Variants in SPAG16 observed in about 807,000 individuals in gnomAD.
The protein encoded by SPAG16 is sperm-associated antigen 16 protein.
In SPAG16, 86 loss-of-function variants were observed where a neutral mutation model predicts 80.4. That is an observed-to-expected ratio of 1.07 (90% CI 0.90 to 1.28). SPAG16 has a LOEUF of 1.28. Among genes scored for constraint, SPAG16 ranks in the 50% most tolerant of loss-of-function variants. The probability of loss-of-function intolerance (pLI) is 0.00; values close to 1 mark genes in which losing one functional copy is unlikely to be tolerated. For missense variants in SPAG16, 870 were observed against 765.3 expected, an observed-to-expected ratio of 1.14 and a Z score of -1.61; for synonymous variants, 294 against 265.9, an observed-to-expected ratio of 1.11 and a Z score of -1.03.
intron 14 of SPAG16, among the ~76,000 whole-genome samples, chr2:214,138,834 G>A (rs79589120): frequency 0.01 from 1,526 of 152,222 alleles, 28 homozygotes; most frequent in African/African-American, 0.035. Flanking sequence ...ACCTGAGCCA[G>A]ATTCCTACCC....
chr2:213,636,914 C>A (rs2062384596), intron 10 of SPAG16, among the ~76,000 whole-genome samples: 1 of 152,158 alleles, frequency 6.6e-6, no homozygotes, highest in African/African-American at 2.4e-5. Flanking sequence ...GACAATTTGA[C>A]TTCCTTTTTA....
At chr2:214,046,905 TGA>T (rs1491329039) in intron 13 of SPAG16, among the ~76,000 whole-genome samples, 1 of 81,452 alleles carries the variant, frequency 1.2e-5, no homozygotes, top group African/African-American at 5.2e-5. Context: ...GTAAACAATC[TGA>T]AAAAAAAAAA....
chr2:214,244,394 GAA>G (rs5838420), intron 15 of SPAG16, among the ~76,000 whole-genome samples: 237 of 124,068 alleles, frequency 1.9e-3, no homozygotes, highest in African/African-American at 6.1e-3. Context: ...CTGAAGTTCC[GAA>G]AAAAAAAAAA....
At chr2:214,020,085 G>A (rs1195818462) in intron 13 of SPAG16, among the ~76,000 whole-genome samples, 1 of 151,928 alleles carries the variant, frequency 6.6e-6, no homozygotes, top group African/African-American at 2.4e-5. Flanking sequence ...TGATTGGGTG[G>A]GTACCATTAT....
intron 10 of SPAG16, among the ~76,000 whole-genome samples, chr2:213,734,533 T>C (rs1389702286): frequency 2.6e-5 from 4 of 152,222 alleles, no homozygotes; most frequent in Non-Finnish European, 4.4e-5. Context: ...AGAAATCATA[T>C]GCTTGCAGTA....
intron 12 of SPAG16, among the ~76,000 whole-genome samples, chr2:213,989,974 T>C (rs1397015158): frequency 3.9e-5 from 6 of 152,110 alleles, no homozygotes; most frequent in Admixed American, 3.9e-4. Context: ...TAGCCACTAA[T>C]TTTATATCAT....
chr2:213,422,158 G>C (rs1040041375), intron 9 of SPAG16: 4 of 700,046 alleles, frequency 5.7e-6, no homozygotes, highest in Middle Eastern at 3.6e-4. Flanking sequence ...GGAGAGAAGA[G>C]CTGTGGCCCT....
intron 15 of SPAG16, 89 bp from the exon 16 acceptor site, chr2:214,410,051 A>AAAT (rs965932025): frequency 6.9e-7 from 1 of 1,453,248 alleles, no homozygotes; most frequent in African/African-American, 1.4e-5. Context: ...TAATTGAAAA[A>AAAT]AATAGAATGC....
At chr2:213,894,929 C>A (rs1366682441) in intron 11 of SPAG16, among the ~76,000 whole-genome samples, 2 of 123,622 alleles carry the variant, frequency 1.6e-5, no homozygotes, top group African/African-American at 6.4e-5. Context: ...GCAGAAGTTG[C>A]AGTGAGCTGA....
intron 10 of SPAG16, among the ~76,000 whole-genome samples, chr2:213,588,236 A>G (rs1044780812): frequency 6.6e-6 from 1 of 152,144 alleles, no homozygotes; most frequent in Admixed American, 6.5e-5. Context: ...AAATAGTTTC[A>G]GTTCATTTCC....
intron 15 of SPAG16, among the ~76,000 whole-genome samples, chr2:214,175,137 G>T (rs182743650): frequency 6.6e-6 from 1 of 150,482 alleles, no homozygotes; most frequent in Non-Finnish European, 1.5e-5. Flanking sequence ...AGATTAGAAG[G>T]ATATGATGCA....
chr2:213,720,155 G>A (rs373422455), intron 10 of SPAG16, among the ~76,000 whole-genome samples: 10 of 152,218 alleles, frequency 6.6e-5, no homozygotes, highest in South Asian at 2.1e-4. Context: ...ATGGGCACAC[G>A]GAGGGGAACA....
chr2:213,983,948 A>G (rs1396778723), intron 12 of SPAG16, among the ~76,000 whole-genome samples: 4 of 152,080 alleles, frequency 2.6e-5, no homozygotes, highest in Non-Finnish European at 4.4e-5. Context: ...CTTATCATAT[A>G]CATCATACAT....
At chr2:214,223,467 C>CA (rs921460891) in intron 15 of SPAG16, among the ~76,000 whole-genome samples, 2,736 of 143,376 alleles carry the variant, frequency 0.019, 49 homozygotes, top group African/African-American at 0.044. Flanking sequence ...AGGGAGTAAC[C>CA]AAAAAAAAAA....
At chr2:214,183,333 G>A (rs2057363716) in intron 15 of SPAG16, among the ~76,000 whole-genome samples, 1 of 151,964 alleles carries the variant, frequency 6.6e-6, no homozygotes, top group Non-Finnish European at 1.5e-5. Flanking sequence ...AATTACTGGT[G>A]AAGAGAAGCT....
chr2:213,437,542 C>G (rs927592655), intron 9 of SPAG16, among the ~76,000 whole-genome samples: 1 of 152,096 alleles, frequency 6.6e-6, no homozygotes, highest in African/African-American at 2.4e-5. Context: ...TCACTTATTT[C>G]AACACAAATT....
At chr2:214,186,125 G>A (rs143485127) in intron 15 of SPAG16, among the ~76,000 whole-genome samples, 2 of 152,220 alleles carry the variant, frequency 1.3e-5, no homozygotes, top group African/African-American at 2.4e-5. Context: ...AGCATTACTG[G>A]ATAAACTGGG....
At chr2:213,499,202 G>T (rs2074630986) in intron 10 of SPAG16, among the ~76,000 whole-genome samples, 1 of 151,900 alleles carries the variant, frequency 6.6e-6, no homozygotes, top group Non-Finnish European at 1.5e-5. Flanking sequence ...CATTATGTCT[G>T]TTACCTCCTT....
intron 9 of SPAG16, among the ~76,000 whole-genome samples, chr2:213,454,140 A>G (rs2071864543): frequency 6.6e-6 from 1 of 152,162 alleles, no homozygotes; most frequent in South Asian, 2.1e-4. Flanking sequence ...CTCCAGCGAA[A>G]TTGAGATCAT....
Sources: gnomAD v4.1 joint callset for allele counts (sites outside exome capture counted in the v4.1 genomes callset) on GRCh38, gnomAD v4.1.1 for gene constraint, MANE v1.5 for transcripts, NCBI Gene and HGNC (gene_info 2026-07-23, HGNC 2026-07-21) for gene names.